KCNE2: variants seen among roughly 807,000 people sequenced by gnomAD.
KCNE2 encodes potassium voltage-gated channel subfamily E regulatory subunit 2.
In KCNE2, 4 loss-of-function variants were observed where a neutral mutation model predicts 4.5. The ratio of observed to expected loss-of-function variants is 0.89; its 90% CI spans 0.44 to 2.03. The LOEUF (loss-of-function observed/expected upper bound fraction) is 2.03, where lower values mean the gene tolerates loss of function less well. Ranked by LOEUF, KCNE2 falls within the 30% of genes most tolerant of loss-of-function variation. The pLI, the probability that KCNE2 is intolerant of heterozygous loss-of-function variation, is 0.03. For missense variants in KCNE2, 137 were observed against 151.4 expected (o/e 0.90, Z 0.50); for synonymous variants, 57 against 55.9 (o/e 1.02, Z -0.09).
chr21:34,368,229 A>ATATATAT (rs781775671), intron 1 of KCNE2, among the ~76,000 whole-genome samples: 48 of 84,774 alleles, frequency 5.7e-4, no homozygotes, highest in East Asian at 2.3e-3. Flanking sequence ...ACACACACAC[A>ATATATAT]ATATATATAT....
intron 1 of KCNE2, among the ~76,000 whole-genome samples, 162 bp downstream of exon 1, chr21:34,364,313 TTTG>T (rs1471116861): frequency 6.6e-6 from 1 of 152,228 alleles, no homozygotes; most frequent in African/African-American, 2.4e-5. Context: ...TACTCATTTC[TTTG>T]TTAATTGCCT....
In KCNE2 at chr21:34,370,517, C is replaced by T. The variant is rs556106127; in HGVS notation, c.39C>T (p.Asp13=). 42 of 1,614,160 alleles carry T rather than the reference C, an allele frequency of 2.6e-5. No homozygotes were observed. Among genetic ancestry groups the T allele is most frequent in the South Asian group, 7.7e-5 (7 of 91,092 alleles). ...CCAATTTCACACAGACGCTGGAAGACGTCTTCCGAAGGATTTTTATTACTT... is the reference window on the plus strand; with the variant it reads ...CCAATTTCACACAGACGCTGGAAGATGTCTTCCGAAGGATTTTTATTACTT... The part of the protein sequence containing the change: ...TLSNFTQTLE[D]VFRRIFITYM... Residue 13 remains aspartate (D), a synonymous_variant, in exon 2 of 2, where the codon GAC becomes GAT. Coordinates refer to ENST00000290310, the MANE Select transcript of KCNE2 (RefSeq NM_172201.2).
At chr21:34,368,229 A>ACTATATATATAT (rs781775671) in intron 1 of KCNE2, among the ~76,000 whole-genome samples, 2 of 84,808 alleles carry the variant, frequency 2.4e-5, no homozygotes, top group African/African-American at 1.2e-4. Flanking sequence ...ACACACACAC[A>ACTATATATATAT]ATATATATAT....
At chr21:34,368,281 GTTATATA>G (rs1979428061) in intron 1 of KCNE2, among the ~76,000 whole-genome samples, 1 of 117,754 alleles carries the variant, frequency 8.5e-6, no homozygotes, top group Non-Finnish European at 1.7e-5. Context: ...ATATATGTAT[GTTATATA>G]TATGTATGTA....
At chr21:34,367,450 A>G (rs1979358089) in intron 1 of KCNE2, among the ~76,000 whole-genome samples, 1 of 152,208 alleles carries the variant, frequency 6.6e-6, no homozygotes, top group African/African-American at 2.4e-5. Context: ...TGCTTAGGAA[A>G]TATGCTTGGT....
intron 1 of KCNE2, among the ~76,000 whole-genome samples, chr21:34,364,815 G>A (rs1979225681): frequency 6.6e-6 from 1 of 151,954 alleles, no homozygotes; most frequent in South Asian, 2.1e-4. Context: ...GGACTTTGGG[G>A]TCAAATGAGT....
chr21:34,370,622 T>G lies in KCNE2; in HGVS notation c.144T>G (p.Tyr48Ter), dbSNP rs780373385. 1 of 1,614,214 alleles carries G rather than the reference T, an allele frequency of 6.2e-7. No homozygotes were observed. The highest frequency in any genetic ancestry group is 8.5e-7 in the Non-Finnish European group (1 of 1,180,024). ...AAGTTGATGCTGAGAACTTCTACTA[T>G]GTCATCCTGTACCTCATGGTGATGA... Reference protein sequence around the residue: ...QAKVDAENFYYVILYLMVMIG... With the variant: ...QAKVDAENFY Residue 48 changes from tyrosine to a stop codon, truncating the protein, a stop_gained, in exon 2 of 2, where the codon TAT (tyrosine) becomes TAG (stop). Coordinates refer to ENST00000290310, the MANE Select transcript of KCNE2 (RefSeq NM_172201.2). LOFTEE classifies it high-confidence loss of function.
chr21:34,364,549 C>T (rs1033720328), intron 1 of KCNE2, among the ~76,000 whole-genome samples: 15 of 152,230 alleles, frequency 9.9e-5, no homozygotes, highest in African/African-American at 3.4e-4. Flanking sequence ...GCAGGCGGAT[C>T]ACCTGAGGTC....
Position 34,370,939 on chromosome 21 carries a change from G to A in KCNE2, c.*89G>A. ...GGCAAATCCAAATTGTCTTTGCTTAGAAGAAAGTGAGTTCCTTGCTCTCTG... is the reference window on the plus strand; with the variant it reads ...GGCAAATCCAAATTGTCTTTGCTTAAAAGAAAGTGAGTTCCTTGCTCTCTG... On this transcript the variant is annotated 3_prime_UTR_variant, in exon 2 of 2. Transcript: ENST00000290310. 1 of 1,538,758 alleles carries A rather than the reference G, an allele frequency of 6.5e-7. No individual in the cohort carries two copies. Among genetic ancestry groups the A allele is most frequent in the Non-Finnish European group, 8.9e-7 (1 of 1,118,168 alleles).
At chr21:34,366,569 A>G (rs532129545) in intron 1 of KCNE2, among the ~76,000 whole-genome samples, 1 of 152,240 alleles carries the variant, frequency 6.6e-6, no homozygotes, top group East Asian at 1.9e-4. Context: ...CCGGGGGCTC[A>G]AGCTCTCCTG....
intron 1 of KCNE2, among the ~76,000 whole-genome samples, chr21:34,365,573 G>T (rs1979255698): frequency 1.3e-5 from 2 of 152,184 alleles, no homozygotes; most frequent in Non-Finnish European, 2.9e-5. Flanking sequence ...CTATAGGAGT[G>T]TGCCATCACA....
chr21:34,367,541 G>C (rs753518678), intron 1 of KCNE2, among the ~76,000 whole-genome samples: 1 of 152,176 alleles, frequency 6.6e-6, no homozygotes, highest in Admixed American at 6.5e-5. Flanking sequence ...GGGAGACAAA[G>C]ATCTTAGAGC....
intron 1 of KCNE2, among the ~76,000 whole-genome samples, chr21:34,369,648 T>C (rs1224824586): frequency 1.3e-5 from 2 of 152,204 alleles, no homozygotes; most frequent in African/African-American, 4.8e-5. Context: ...TGTATTACAT[T>C]GTTGGCATTG....
intron 1 of KCNE2, among the ~76,000 whole-genome samples, chr21:34,368,457 AG>A (rs2123421757): frequency 6.6e-6 from 1 of 151,764 alleles, no homozygotes; most frequent in African/African-American, 2.4e-5. Flanking sequence ...AACATTAGCC[AG>A]GCGTAGTGGC....
chr21:34,367,983 T>C (rs904113892), intron 1 of KCNE2, among the ~76,000 whole-genome samples: 1 of 151,980 alleles, frequency 6.6e-6, no homozygotes, highest in Non-Finnish European at 1.5e-5. Context: ...GCACGTTGCA[T>C]TGTCATTGAT....
chr21:34,370,471 A>T lies in KCNE2; in HGVS notation c.-8A>T. 1 of 1,614,178 alleles carries T rather than the reference A, an allele frequency of 6.2e-7. No homozygotes were observed. On this transcript the variant is annotated 5_prime_UTR_variant, in exon 2 of 2. Coordinates refer to ENST00000290310, the MANE Select transcript of KCNE2 (RefSeq NM_172201.2). ...ATTTTATTATTTAAATTGCAGCAGG[A>T]GGGAAGCATGTCTACTTTATCCAAT...
intron 1 of KCNE2, among the ~76,000 whole-genome samples, chr21:34,368,905 G>A (rs575312751): frequency 1.6e-4 from 25 of 152,256 alleles, no homozygotes; most frequent in Admixed American, 4.6e-4. Flanking sequence ...GCTGTTGGAG[G>A]AAAATGGTGG....
At chr21:34,368,527 G>A (rs1383663744) in intron 1 of KCNE2, among the ~76,000 whole-genome samples, 1 of 151,976 alleles carries the variant, frequency 6.6e-6, no homozygotes, top group African/African-American at 2.4e-5. Flanking sequence ...TTGAACCTGG[G>A]AGGCAGAGGT....
At position 34,370,656 on chromosome 21, in the gene KCNE2, T is replaced by C. The variant is rs16991654; in HGVS notation, c.178T>C (p.Phe60Leu). 1.2e-6 allele frequency: 2 copies of C among 1,614,248 alleles called. No homozygotes were observed. Among genetic ancestry groups the C allele is most frequent in the Non-Finnish European group, 1.7e-6 (2 of 1,180,038 alleles). The change falls in exon 2 of 2, where the codon TTC becomes CTC. Residue 60 changes from phenylalanine to leucine, a missense_variant. Coordinates refer to ENST00000290310, the MANE Select transcript of KCNE2 (RefSeq NM_172201.2). ...GTACCTCATGGTGATGATTGGAATG[T>C]TCTCTTTCATCATCGTGGCCATCCT... ...ILYLMVMIGM[F>L]SFIIVAILVS... is the part of the protein sequence containing the mutation.
Sources: allele counts gnomAD v4.1 joint callset (sites outside exome capture counted in the v4.1 genomes callset), GRCh38; gene constraint gnomAD v4.1.1; transcripts MANE v1.5; gene names NCBI Gene and HGNC (gene_info 2026-07-23, HGNC 2026-07-21).